NDUFV2: variants seen among roughly 807,000 people sequenced by gnomAD.
NDUFV2 encodes the protein NADH dehydrogenase [ubiquinone] flavoprotein 2, mitochondrial.
Under a neutral mutation model 31.6 loss-of-function variants are expected in NDUFV2, and 18 were observed. That is an observed-to-expected ratio of 0.57 (90% CI 0.39 to 0.84). The LOEUF is 0.84. Among genes scored for constraint, NDUFV2 ranks in the 40% least tolerant of loss-of-function variants. The probability of loss-of-function intolerance (pLI) is 0.00; values close to 1 mark genes in which losing one functional copy is unlikely to be tolerated. For synonymous variants in NDUFV2, 83 were observed against 99.8 expected (o/e 0.83, Z 1.01); for missense variants, 314 against 303.6 (o/e 1.03, Z -0.26).
rs1035730836 is a variant in NDUFV2 at position 9,102,772 on chromosome 18, G to A, written c.29G>A (p.Arg10Gln). The A allele has an allele frequency of 6.3e-6, 10 of 1,583,056 alleles. No individual in the cohort carries two copies. In the African/African-American group the frequency reaches 9.5e-5, roughly 15 times the overall value. Residue 10 changes from arginine to glutamine, a missense_variant, in exon 1 of 8, where the codon CGG becomes CAG. By Grantham distance (43) the Arg-to-Gln change is conservative. Transcript: ENST00000318388. MFFSAALRA[R>Q]AAGLTAHWGR... ...TTCTTCTCCGCGGCGCTCCGGGCCCGGGCGGCTGGCCTCACCGCCCACTGG... is the reference window on the plus strand; with the variant it reads ...TTCTTCTCCGCGGCGCTCCGGGCCCAGGCGGCTGGCCTCACCGCCCACTGG...
chr18:9,121,073 A>C (rs887606011), intron 4 of NDUFV2, among the ~76,000 whole-genome samples: 5 of 152,120 alleles, frequency 3.3e-5, no homozygotes, highest in African/African-American at 9.7e-5. Context: ...GTGAGACCCT[A>C]TCTCTTAAAA....
intron 3 of NDUFV2, 27 bp downstream of exon 3, chr18:9,119,415 A>AT (rs756964058): frequency 1.2e-6 from 2 of 1,603,828 alleles, no homozygotes; most frequent in Non-Finnish European, 1.7e-6. Context: ...ATTATAATTA[A>AT]TTTACCAAAT....
At chr18:9,110,948 G>T (rs2077866947) in intron 1 of NDUFV2, among the ~76,000 whole-genome samples, 1 of 152,024 alleles carries the variant, frequency 6.6e-6, no homozygotes, top group African/African-American at 2.4e-5. Flanking sequence ...AGAAGAGAAG[G>T]GTGGCAAGGA....
intron 4 of NDUFV2, among the ~76,000 whole-genome samples, chr18:9,121,780 A>T (rs558140432): frequency 3.9e-5 from 6 of 152,172 alleles, no homozygotes; most frequent in Non-Finnish European, 7.4e-5. Context: ...TGAGTTAGTG[A>T]TCCCCTTAGT....
chr18:9,132,581 C>T (rs2078049247), intron 7 of NDUFV2, among the ~76,000 whole-genome samples: 1 of 152,096 alleles, frequency 6.6e-6, no homozygotes, highest in South Asian at 2.1e-4. Context: ...CAATAGGCAA[C>T]ATAAAAAATT....
In NDUFV2 at chr18:9,119,586, A is replaced by G. The variant is rs1489211754; in HGVS notation, c.296A>G (p.Asn99Ser). The change falls in exon 4 of 8, where the codon AAC becomes AGC. Residue 99 changes from asparagine (N) to serine (S), a missense_variant. By Grantham distance (46) the Asn-to-Ser change is conservative. Transcript: ENST00000318388. Reference protein sequence around the residue: ...QNGWLPISAMNKVAEVLQVPP... With the variant: ...QNGWLPISAMSKVAEVLQVPP... ...GGGTGGTTGCCCATCTCTGCTATGA[A>G]CAAGGTACTGGATTCATTTTTGCCT... 15 of 1,610,412 alleles carry G rather than the reference A, an allele frequency of 9.3e-6. No individual in the cohort carries two copies. Among genetic ancestry groups the G allele is most frequent in the Non-Finnish European group, 1.1e-5 (13 of 1,176,842 alleles).
chr18:9,128,524 C>A (rs2078011709), intron 7 of NDUFV2, among the ~76,000 whole-genome samples: 1 of 152,076 alleles, frequency 6.6e-6, no homozygotes, highest in Admixed American at 6.5e-5. Context: ...CTTGGGTATA[C>A]CCCTTTTTTT....
chr18:9,119,584 G>T lies in NDUFV2; in HGVS notation c.294G>T (p.Met98Ile). 1 of 1,611,046 alleles carries T rather than the reference G, an allele frequency of 6.2e-7. No homozygotes were observed. The highest frequency in any genetic ancestry group is 1.1e-5 in the South Asian group (1 of 90,976). Reference protein sequence around the residue: ...RQNGWLPISAMNKVAEVLQVP... With the variant: ...RQNGWLPISAINKVAEVLQVP... ...ATGGGTGGTTGCCCATCTCTGCTATGAACAAGGTACTGGATTCATTTTTGC... is the reference window on the plus strand; with the variant it reads ...ATGGGTGGTTGCCCATCTCTGCTATTAACAAGGTACTGGATTCATTTTTGC... The change falls in exon 4 of 8, where the codon ATG (methionine) becomes ATT (isoleucine). Residue 98 changes from methionine (M) to isoleucine (I), a missense_variant. Coordinates refer to ENST00000318388, the MANE Select transcript of NDUFV2 (RefSeq NM_021074.5).
At chr18:9,111,374 A>G (rs2077869030) in intron 1 of NDUFV2, among the ~76,000 whole-genome samples, 1 of 152,196 alleles carries the variant, frequency 6.6e-6, no homozygotes, top group South Asian at 2.1e-4. Context: ...AGCCAACACT[A>G]ATACAGTACT....
At chr18:9,117,324 C>G (rs2077903530) in intron 1 of NDUFV2, 1 of 156,462 alleles carries the variant, frequency 6.4e-6, no homozygotes, top group South Asian at 1.9e-4. Flanking sequence ...CATGAACCAC[C>G]ACACCCGGCC....
intron 1 of NDUFV2, among the ~76,000 whole-genome samples, chr18:9,110,893 C>T (rs2077866677): frequency 6.6e-6 from 1 of 152,080 alleles, no homozygotes; most frequent in Admixed American, 6.5e-5. Flanking sequence ...TTAAGTTGCT[C>T]AAATGTTATG....
At chr18:9,134,132 G>T (rs2078063846) in intron 7 of NDUFV2, 54 bp from the exon 8 acceptor site, 1 of 1,402,900 alleles carries the variant, frequency 7.1e-7, no homozygotes, top group Admixed American at 1.7e-5. Flanking sequence ...TACAATTTAA[G>T]TAAAAATTTA....
At chr18:9,104,140 G>C in intron 1 of NDUFV2, 1 of 1,612,600 alleles carries the variant, frequency 6.2e-7, no homozygotes, top group Non-Finnish European at 8.5e-7. Context: ...GGGGTCCGAG[G>C]GTATTCTAGG....
intron 1 of NDUFV2, among the ~76,000 whole-genome samples, chr18:9,111,719 G>T (rs1305771367): frequency 6.6e-6 from 1 of 151,944 alleles, no homozygotes; most frequent in Non-Finnish European, 1.5e-5. Flanking sequence ...ATGAGCTACT[G>T]TGCCCGGCCT....
chr18:9,118,980 A>G (rs547621482), intron 2 of NDUFV2, among the ~76,000 whole-genome samples: 1 of 152,056 alleles, frequency 6.6e-6, no homozygotes, highest in Non-Finnish European at 1.5e-5. Context: ...AATTTCATAA[A>G]GGCTTCCAAT....
Position 9,134,048 on chromosome 18 carries a change from G to A in NDUFV2, c.657-138G>A, listed in dbSNP as rs143762114. 14 of 616,586 alleles carry A rather than the reference G, an allele frequency of 2.3e-5. No homozygotes were observed. The African/African-American group carries it at 2.4e-4, about 11-fold the overall frequency. 38.2% of individuals were successfully genotyped at this position (616,586 alleles called of 1,614,324 possible). ...GAGAAAATCTTGCATCAGTTGAAAT[G>A]TTTGAATTAAATAATCTATGCTAGT... is the stretch of plus-strand genomic sequence containing the variant. On this transcript the variant is annotated intron_variant, in intron 7 of 7. Coordinates refer to ENST00000318388, the MANE Select transcript of NDUFV2 (RefSeq NM_021074.5).
At chr18:9,103,748 A>G (rs184111193) in intron 1 of NDUFV2, 14 of 158,692 alleles carry the variant, frequency 8.8e-5, no homozygotes, top group African/African-American at 3.3e-4. Flanking sequence ...CAGTTGTAAA[A>G]TGGGAATATT....
At position 9,102,727 on chromosome 18, in the gene NDUFV2, G is replaced by C; in HGVS notation, c.-17G>C. The C allele has an allele frequency of 6.3e-7, 1 of 1,581,814 alleles. No individual in the cohort carries two copies. Among genetic ancestry groups the C allele is most frequent in the Non-Finnish European group, 8.6e-7 (1 of 1,166,692 alleles). On this transcript the variant is annotated 5_prime_UTR_variant, in exon 1 of 8. Transcript: ENST00000318388. Reference sequence around the variant, plus strand: ...CTCGCCTGGCGCGGCTGGGGAAGGTGAACAGTGTGGCCCGCCATGTTCTTC... The same window carrying C: ...CTCGCCTGGCGCGGCTGGGGAAGGTCAACAGTGTGGCCCGCCATGTTCTTC...
intron 4 of NDUFV2, 36 bp downstream of exon 4, chr18:9,119,626 A>C (rs1440166294): frequency 1.3e-6 from 2 of 1,487,386 alleles, no homozygotes; most frequent in East Asian, 4.5e-5. Context: ...TCTAAAAGAG[A>C]AGAGATTGTG....
Sources: gnomAD v4.1 joint callset for allele counts (sites outside exome capture counted in the v4.1 genomes callset) on GRCh38, gnomAD v4.1.1 for gene constraint, MANE v1.5 for transcripts, NCBI Gene and HGNC (gene_info 2026-07-23, HGNC 2026-07-21) for gene names.